ZNF585A: variants seen among roughly 807,000 people sequenced by gnomAD.
ZNF585A encodes zinc finger protein 585A.
In ZNF585A, 9 loss-of-function variants were observed where a neutral mutation model predicts 14.9. That is an observed-to-expected ratio of 0.60 (90% CI 0.36 to 1.05). The LOEUF (loss-of-function observed/expected upper bound fraction) is 1.05, where lower values mean the gene tolerates loss of function less well. ZNF585A is among the 50% of genes least tolerant of loss of function. The pLI is 0.01. For missense variants in ZNF585A, 726 were observed against 926.4 expected, an observed-to-expected ratio of 0.78 and a Z score of 2.81; for synonymous variants, 276 against 319.9, an observed-to-expected ratio of 0.86 and a Z score of 1.46.
Position 37,163,480 on chromosome 19 carries a change from C to T in ZNF585A, c.72+6359G>A, listed in dbSNP as rs147293737. 5.6e-3 allele frequency among the ~76,000 whole-genome samples: 824 copies of T among 146,768 alleles called. 5 individuals carry two copies. The highest frequency in any genetic ancestry group is 0.019 in the African/African-American group (784 of 40,358). Reference sequence around the variant, plus strand: ...AAAAGCAACACAAAAATAAAAGTCTCCCTGAAAAAAATGAGAAGACCCTGC... The same window carrying T: ...AAAAGCAACACAAAAATAAAAGTCTTCCTGAAAAAAATGAGAAGACCCTGC... On this transcript the variant is annotated intron_variant, in intron 2 of 4. Transcript: ENST00000292841.
rs1971922887 is a variant in ZNF585A at position 37,155,965 on chromosome 19, T to C, written c.200-8A>G. ...CTTCAGGAACTTGATATCCTGTTCA[T>C]GGGAAATGATAAAGGTCTGGGTCCA... On this transcript the variant is annotated splice_region_variant and splice_polypyrimidine_tract_variant and intron_variant, in intron 3 of 4. Transcript: ENST00000292841. 5 of 1,613,880 alleles carry C rather than the reference T, an allele frequency of 3.1e-6. No homozygotes were observed. Among genetic ancestry groups the C allele is most frequent in the Admixed American group, 1.7e-5 (1 of 60,018 alleles).
chr19:37,148,226 G>A lies in ZNF585A; in HGVS notation c.*3363C>T, dbSNP rs929634541. On this transcript the variant is annotated 3_prime_UTR_variant, in exon 5 of 5. Transcript: ENST00000292841. Reference sequence around the variant, plus strand: ...CCATTCTAAAAGCCATTCTATAGTAGTATCTCATTGTGGTTTGATTTACAT... The same window carrying A: ...CCATTCTAAAAGCCATTCTATAGTAATATCTCATTGTGGTTTGATTTACAT... 5 of 152,120 alleles carry A rather than the reference G, an allele frequency of 3.3e-5. No individual in the cohort carries two copies. The highest frequency in any genetic ancestry group is 1.2e-4 in the African/African-American group (5 of 41,420). The allele number at this position is 152,120 out of a possible 1,614,324, so 9.4% of individuals were successfully genotyped here.
intron 2 of ZNF585A, among the ~76,000 whole-genome samples, chr19:37,168,562 A>G (rs1972132628): frequency 6.6e-6 from 1 of 152,222 alleles, no homozygotes; most frequent in Non-Finnish European, 1.5e-5. Context: ...ACCTTTACCA[A>G]TTATAGCTTT....
chr19:37,157,997 T>G (rs1971957616), intron 2 of ZNF585A, among the ~76,000 whole-genome samples: 1 of 151,666 alleles, frequency 6.6e-6, no homozygotes, highest in African/African-American at 2.4e-5. Flanking sequence ...CAAGCCGTTC[T>G]CTGCCTCAGA....
chr19:37,151,583 T>C lies in ZNF585A; in HGVS notation c.*6A>G. On this transcript the variant is annotated 3_prime_UTR_variant, in exon 5 of 5. Coordinates refer to ENST00000292841, the MANE Select transcript of ZNF585A (RefSeq NM_001288800.2). ...CCCTCAGGGGGGTTTTCTCACACTGTTTCTCTCAAGCGTGGCTGCTCTGAT... is the reference window on the plus strand; with the variant it reads ...CCCTCAGGGGGGTTTTCTCACACTGCTTCTCTCAAGCGTGGCTGCTCTGAT... The C allele has an allele frequency of 6.2e-7, 1 of 1,605,932 alleles. No individual in the cohort carries two copies. Among genetic ancestry groups the C allele is most frequent in the Non-Finnish European group, 8.5e-7 (1 of 1,175,118 alleles).
Position 37,151,720 on chromosome 19 carries a change from A to G in ZNF585A, c.2179T>C (p.Phe727Leu). The G allele has an allele frequency of 6.2e-7, 1 of 1,614,148 alleles. No homozygotes were observed. Among genetic ancestry groups the G allele is most frequent in the East Asian group, 2.2e-5 (1 of 44,872 alleles). Residue 727 changes from phenylalanine to leucine, a missense_variant, in exon 5 of 5, where the codon TTT becomes CTT. Physicochemically the swap from Phe to Leu is conservative, Grantham distance 22 (BLOSUM62 0). Transcript: ENST00000292841. The part of the protein sequence containing the change: ...PYVCAECGKA[F>L]TDRSNLNKHQ... ...TTATTCAAATTGGACCTGTCAGTAA[A>G]GGCCTTCCCACACTCAGCACACACG...
In ZNF585A at chr19:37,151,793, T is replaced by A; in HGVS notation, c.2106A>T (p.Lys702Asn). The A allele has an allele frequency of 6.2e-7, 1 of 1,612,826 alleles. No homozygotes were observed. Among genetic ancestry groups the A allele is most frequent in the South Asian group, 1.1e-5 (1 of 91,000 alleles). The change falls in exon 5 of 5, where the codon AAA becomes AAT. Residue 702 changes from lysine to asparagine, a missense_variant. Lys to Asn is a moderately conservative substitution (Grantham distance 94, BLOSUM62 0). This residue lies in a region of ZNF585A where 243 missense variants were observed against 383.6 expected (regional missense o/e 0.63). Transcript: ENST00000292841. Reference sequence around the variant, plus strand: ...TTCGCTGATGCACTTGGAGCTGTGATTTTTTAGTGAAAGACTTCCCACAGT... The same window carrying A: ...TTCGCTGATGCACTTGGAGCTGTGAATTTTTAGTGAAAGACTTCCCACAGT... ...CSDCGKSFTKKSQLQVHQRIH... is the reference protein window; with the variant it reads ...CSDCGKSFTKNSQLQVHQRIH...
rs1174695677 is a variant in ZNF585A, at chr19:37,150,138, C to G, written c.*1451G>C. The G allele has an allele frequency of 6.6e-6, 1 of 151,038 alleles. No homozygotes were observed. Among genetic ancestry groups the G allele is most frequent in the South Asian group, 2.1e-4 (1 of 4,782 alleles). The allele number at this position is 151,038 out of a possible 1,614,324, so 9.4% of individuals were successfully genotyped here. On this transcript the variant is annotated 3_prime_UTR_variant, in exon 5 of 5. Transcript: ENST00000292841. Reference sequence around the variant, plus strand: ...TAGAAAGAAGGGGACAGAAGAGGCTCCAAAATACAGTTGGGAAATGTGGAC... The same window carrying G: ...TAGAAAGAAGGGGACAGAAGAGGCTGCAAAATACAGTTGGGAAATGTGGAC...
At chr19:37,159,222 C>T (rs1380275347) in intron 2 of ZNF585A, among the ~76,000 whole-genome samples, 2 of 128,348 alleles carry the variant, frequency 1.6e-5, no homozygotes, top group African/African-American at 3.1e-5. Flanking sequence ...GCACTCCAGC[C>T]GAGGCAACAG....
intron 2 of ZNF585A, among the ~76,000 whole-genome samples, chr19:37,158,719 A>G (rs1167858306): frequency 6.6e-6 from 1 of 152,260 alleles, no homozygotes; most frequent in Non-Finnish European, 1.5e-5. Context: ...CAATCTTAAA[A>G]AAATATTTAT....
intron 2 of ZNF585A, among the ~76,000 whole-genome samples, chr19:37,162,473 G>GAT (rs1972026558): frequency 1.3e-5 from 2 of 152,024 alleles, no homozygotes; most frequent in Admixed American, 1.3e-4. Context: ...CCTGTTACTG[G>GAT]ATATATACCC....
At chr19:37,168,665 G>A (rs1311841003) in intron 2 of ZNF585A, among the ~76,000 whole-genome samples, 1 of 152,196 alleles carries the variant, frequency 6.6e-6, no homozygotes, top group Non-Finnish European at 1.5e-5. Flanking sequence ...GAGGTTCAGT[G>A]AAATTCAGCT....
chr19:37,156,270 C>T lies in ZNF585A; in HGVS notation c.158G>A (p.Arg53Gln), dbSNP rs368077383. Residue 53 changes from arginine (R) to glutamine (Q), a missense_variant, in exon 3 of 5, where the codon CGG (arginine) becomes CAG (glutamine). Physicochemically the swap from Arg to Gln is conservative, Grantham distance 43 (BLOSUM62 1). This residue lies in a region of ZNF585A where 483 missense variants were observed against 542.8 expected (regional missense o/e 0.89). Transcript: ENST00000292841. Reference protein sequence around the residue: ...HLDPSQRNLYRDVMLETYSHL... With the variant: ...HLDPSQRNLYQDVMLETYSHL... ...GCTGTAGGTCTCCAGCATCACATCC[C>T]GGTACAGGTTTCTCTGAGAAGGGTC... The T allele has an allele frequency of 1.1e-5, 18 of 1,614,032 alleles. No individual in the cohort carries two copies. Among genetic ancestry groups the T allele is most frequent in the South Asian group, 5.5e-5 (5 of 91,078 alleles).
chr19:37,164,049 A>G (rs1972050215), intron 2 of ZNF585A, among the ~76,000 whole-genome samples: 1 of 152,204 alleles, frequency 6.6e-6, no homozygotes, highest in Non-Finnish European at 1.5e-5. Flanking sequence ...CAAGGACACA[A>G]TGTGAAATGA....
At position 37,153,576 on chromosome 19, in the gene ZNF585A, C is replaced by T. The variant is rs1325426217; in HGVS notation, c.323G>A (p.Arg108Lys). The change falls in exon 5 of 5, where the codon AGA (arginine) becomes AAA (lysine). Residue 108 changes from arginine to lysine, a missense_variant. By Grantham distance (26) the Arg-to-Lys change is conservative. Coordinates refer to ENST00000292841, the MANE Select transcript of ZNF585A (RefSeq NM_001288800.2). ...GEKLWDHNQC[R>K]KILSYKQVSS... Reference sequence around the variant, plus strand: ...TACTTGTTTATAACTGAGGATTTTTCTACATTGATTATGGTCCCATAATTT... The same window carrying T: ...TACTTGTTTATAACTGAGGATTTTTTTACATTGATTATGGTCCCATAATTT... 6.2e-7 allele frequency: 1 copy of T among 1,613,336 alleles called. No individual in the cohort carries two copies. The highest frequency in any genetic ancestry group is 1.3e-5 in the African/African-American group (1 of 75,008).
rs1669550541 is a variant in ZNF585A at position 37,149,434 on chromosome 19, G to A, written c.*2155C>T. 6.6e-6 allele frequency: 1 copy of A among 152,126 alleles called. No homozygotes were observed. Among genetic ancestry groups the A allele is most frequent in the African/African-American group, 2.4e-5 (1 of 41,440 alleles). The allele number at this position is 152,126 out of a possible 1,614,324, so 9.4% of individuals were successfully genotyped here. A position where few individuals can be genotyped will look rare whatever the true frequency, so the allele number is the denominator to read the frequency against. On this transcript the variant is annotated 3_prime_UTR_variant, in exon 5 of 5. Transcript: ENST00000292841. ...AATCAAAAGTCATTTACAATAAATT[G>A]TTTCCCTTCATGAGGCTTGGGCATA...
intron 2 of ZNF585A, among the ~76,000 whole-genome samples, chr19:37,163,570 TA>T (rs1476744667): frequency 1.3e-5 from 2 of 151,918 alleles, no homozygotes; most frequent in Non-Finnish European, 2.9e-5. Flanking sequence ...GAAATAAAGA[TA>T]TTTTTTAAAG....
At position 37,150,077 on chromosome 19, in the gene ZNF585A, G is replaced by A. The variant is rs559031703; in HGVS notation, c.*1512C>T. The A allele has an allele frequency of 6.6e-6, 1 of 151,802 alleles. No individual in the cohort carries two copies. The highest frequency in any genetic ancestry group is 1.5e-5 in the Non-Finnish European group (1 of 68,062). The allele number at this position is 151,802 out of a possible 1,614,324, so 9.4% of individuals were successfully genotyped here. A position where few individuals can be genotyped will look rare whatever the true frequency, so the allele number is the denominator to read the frequency against. On this transcript the variant is annotated 3_prime_UTR_variant, in exon 5 of 5. Coordinates refer to ENST00000292841, the MANE Select transcript of ZNF585A (RefSeq NM_001288800.2). ...ATTAATGGGCATCAACAGACATTGGGCTAGTTTTTGTTTTTTTTTTTTTTA... is the reference window on the plus strand; with the variant it reads ...ATTAATGGGCATCAACAGACATTGGACTAGTTTTTGTTTTTTTTTTTTTTA...
chr19:37,161,578 C>A (rs1972013993), intron 2 of ZNF585A, among the ~76,000 whole-genome samples: 1 of 152,010 alleles, frequency 6.6e-6, no homozygotes, highest in African/African-American at 2.4e-5. Flanking sequence ...GTGTGCATGC[C>A]TCTCCTGCCT....
Sources: allele counts gnomAD v4.1 joint callset (sites outside exome capture counted in the v4.1 genomes callset), GRCh38; gene constraint gnomAD v4.1.1; regional missense constraint gnomAD v4.1.1; transcripts MANE v1.5; gene names NCBI Gene and HGNC (gene_info 2026-07-23, HGNC 2026-07-21).